The following AP3B2 variants were observed in gnomAD, a reference collection of about 807,000 sequenced individuals.
AP3B2 encodes the protein adaptor related protein complex 3 subunit beta 2, also known as AP-3 complex subunit beta-2.
A neutral mutation model predicts 126.9 loss-of-function variants in AP3B2; 50 were observed. The ratio of observed to expected loss-of-function variants is 0.39; its 90% CI spans 0.31 to 0.50. AP3B2 has a LOEUF of 0.50. Ranked by LOEUF, AP3B2 falls within the 20% of genes least tolerant of loss-of-function variation. The pLI, the probability that AP3B2 is intolerant of heterozygous loss-of-function variation, is 0.79. For synonymous variants in AP3B2, 541 were observed against 565.0 expected, an observed-to-expected ratio of 0.96 and a Z score of 0.60; for missense variants, 1,177 against 1,426.4, an observed-to-expected ratio of 0.83 and a Z score of 2.82.
chr15:82,682,515 A>G (rs1263363913), intron 4 of AP3B2, among the ~76,000 whole-genome samples: 2 of 152,116 alleles, frequency 1.3e-5, no homozygotes, highest in Non-Finnish European at 2.9e-5. Context: ...TTGATTCTAG[A>G]CCTCAACAAT....
At chr15:82,678,009 C>G (rs1941646150) in intron 11 of AP3B2, 96 bp downstream of exon 11, 2 of 1,453,496 alleles carry the variant, frequency 1.4e-6, no homozygotes, top group African/African-American at 2.8e-5. Context: ...AATAGTTTCT[C>G]CAGCCTTGGG....
At chr15:82,694,388 A>G (rs905801896) in intron 1 of AP3B2, among the ~76,000 whole-genome samples, 1 of 151,898 alleles carries the variant, frequency 6.6e-6, no homozygotes, top group African/African-American at 2.4e-5. Flanking sequence ...TAGAACCACC[A>G]TAACAAAGAA....
intron 4 of AP3B2, chr15:82,685,009 C>T (rs1323457268): frequency 6.6e-6 from 1 of 152,112 alleles, no homozygotes; most frequent in Non-Finnish European, 1.5e-5. Flanking sequence ...ATTAATTGAT[C>T]TAATTTCAAT....
intron 23 of AP3B2, 54 bp from the exon 24 acceptor site, chr15:82,662,306 G>T: frequency 7.3e-7 from 1 of 1,370,034 alleles, no homozygotes; most frequent in Non-Finnish European, 1.0e-6. Context: ...TCACCTGATA[G>T]GTCTAGAACC....
At position 82,677,779 on chromosome 15, in the gene AP3B2, C is replaced by T; in HGVS notation, c.1270G>A (p.Asp424Asn). The change falls in exon 12 of 27, where the codon GAC becomes AAC. Residue 424 changes from aspartate to asparagine, a missense_variant. Asp to Asn is a conservative substitution (Grantham distance 23). This residue lies in a region of AP3B2 where 308 missense variants were observed against 452.4 expected (regional missense o/e 0.68). Coordinates refer to ENST00000535359, the MANE Select transcript of AP3B2 (RefSeq NM_001278512.2). Reference protein sequence around the residue: ...FQTYIRSMDKDFVAATIQAIG... With the variant: ...FQTYIRSMDKNFVAATIQAIG... ...GCCTGGATTGTGGCTGCCACAAAGT[C>T]CTTGTCCATGCTGCGAATATAGGTC... is the stretch of plus-strand genomic sequence containing the variant. 1 of 1,611,350 alleles carries T rather than the reference C, an allele frequency of 6.2e-7. No homozygotes were observed. Among genetic ancestry groups the T allele is most frequent in the Non-Finnish European group, 8.5e-7 (1 of 1,178,316 alleles).
chr15:82,681,026 A>G lies in AP3B2; in HGVS notation c.589-7T>C. On this transcript the variant is annotated splice_region_variant and splice_polypyrimidine_tract_variant and intron_variant, in intron 6 of 26. Coordinates refer to ENST00000535359, the MANE Select transcript of AP3B2 (RefSeq NM_001278512.2). The surrounding 1 kb of genome is among the most constrained non-coding windows in gnomAD (Gnocchi z 4.0). ...CCACACTGCCCGCCACCAGCTGGGG[A>G]AAGAACAAAGACGAGAGGGTGAACG... 1 of 1,613,666 alleles carries G rather than the reference A, an allele frequency of 6.2e-7. No individual in the cohort carries two copies. The highest frequency in any genetic ancestry group is 8.5e-7 in the Non-Finnish European group (1 of 1,179,860).
chr15:82,695,930 G>GA (rs2048623074), intron 1 of AP3B2, among the ~76,000 whole-genome samples: 1 of 152,190 alleles, frequency 6.6e-6, no homozygotes, highest in African/African-American at 2.4e-5. Flanking sequence ...TGTTGGTGGG[G>GA]AGAAATCTCC....
chr15:82,676,227 G>A (rs2048240210), intron 14 of AP3B2, among the ~76,000 whole-genome samples: 1 of 152,198 alleles, frequency 6.6e-6, no homozygotes, highest in South Asian at 2.1e-4. Context: ...TGTACTAGCA[G>A]ACTGGAGGTC....
Position 82,666,769 on chromosome 15 carries a change from T to A in AP3B2, c.1830A>T (p.Pro610=), listed in dbSNP as rs2048066598. The A allele has an allele frequency of 6.2e-7, 1 of 1,613,838 alleles. No homozygotes were observed. Among genetic ancestry groups the A allele is most frequent in the African/African-American group, 1.3e-5 (1 of 74,942 alleles). The part of the protein sequence containing the change: ...KKLFLAPKPA[P]VLESSFKDRD... ...CACCTTTGAAGGATGACTCCAAGAC[T>A]GGAGCTGGTTTGGGTGCCAGGAAGA... The change falls in exon 15 of 27, where the codon CCA becomes CCT. Residue 610 remains proline, a synonymous_variant. Coordinates refer to ENST00000535359, the MANE Select transcript of AP3B2 (RefSeq NM_001278512.2).
At chr15:82,690,969 C>CTGGGATTACAGGCATGAGCCACT (rs2048521549) in intron 1 of AP3B2, among the ~76,000 whole-genome samples, 1 of 90,428 alleles carries the variant, frequency 1.1e-5, no homozygotes, top group Non-Finnish European at 2.7e-5. Flanking sequence ...CATGAGCCAC[C>CTGGGATTACAGGCATGAGCCACT]GCACCCAGCC....
At chr15:82,698,489 T>TAC (rs745881095) in intron 1 of AP3B2, among the ~76,000 whole-genome samples, 31 of 145,330 alleles carry the variant, frequency 2.1e-4, no homozygotes, top group Middle Eastern at 3.6e-3. Flanking sequence ...CACGTCCCCC[T>TAC]ACACACACAC....
intron 10 of AP3B2, among the ~76,000 whole-genome samples, chr15:82,679,409 A>C (rs1274300514): frequency 6.6e-6 from 1 of 152,230 alleles, no homozygotes; most frequent in East Asian, 1.9e-4. Context: ...GGCGTGAGCC[A>C]CTGTGCCTGG....
chr15:82,689,743 T>C, intron 1 of AP3B2: 1 of 410,652 alleles, frequency 2.4e-6, no homozygotes, highest in Non-Finnish European at 4.5e-6. Context: ...GCAGATGTAA[T>C]TAGTTAAATG....
In AP3B2 at chr15:82,659,965, T is replaced by C. The variant is rs779980907; in HGVS notation, c.3035A>G (p.Asn1012Ser). 17 of 1,613,782 alleles carry C rather than the reference T, an allele frequency of 1.1e-5. No homozygotes were observed. The highest frequency in any genetic ancestry group is 1.4e-5 in the Non-Finnish European group (17 of 1,179,858). ...KKEQGKLMGM[N>S]EITEKLMLPD... Reference sequence around the variant, plus strand: ...CAGCATGAGTTTCTCTGTGATCTCATTCATGCCCATCAGCTTTCCTGGGGG... The same window carrying C: ...CAGCATGAGTTTCTCTGTGATCTCACTCATGCCCATCAGCTTTCCTGGGGG... The change falls in exon 26 of 27, where the codon AAT becomes AGT. Residue 1012 changes from asparagine (N) to serine (S), a missense_variant. Physicochemically the swap from Asn to Ser is conservative, Grantham distance 46. This residue lies in a region of AP3B2 where 587 missense variants were observed against 571.3 expected (regional missense o/e 1.03). Transcript: ENST00000535359.
At chr15:82,688,223 C>T in intron 4 of AP3B2, 1 of 575,688 alleles carries the variant, frequency 1.7e-6, no homozygotes, top group Non-Finnish European at 3.1e-6. Context: ...CTCAAGATGT[C>T]TTAGACTAAC....
At chr15:82,706,913 G>T (rs1346874803) in intron 1 of AP3B2, among the ~76,000 whole-genome samples, 6 of 152,228 alleles carry the variant, frequency 3.9e-5, no homozygotes, top group East Asian at 1.9e-4. Context: ...ATCAAGCCTG[G>T]GGATTTGCCT....
At chr15:82,690,745 C>G (rs1338771392) in intron 1 of AP3B2, among the ~76,000 whole-genome samples, 4 of 148,472 alleles carry the variant, frequency 2.7e-5, no homozygotes, top group African/African-American at 1.0e-4. Flanking sequence ...GCTCCACCTC[C>G]TGGGTTCATG....
At chr15:82,703,275 C>T (rs1427937860) in intron 1 of AP3B2, among the ~76,000 whole-genome samples, 4 of 151,880 alleles carry the variant, frequency 2.6e-5, no homozygotes, top group Non-Finnish European at 5.9e-5. Flanking sequence ...CCCCTTCTCT[C>T]CATGTTTCTA....
Position 82,664,322 on chromosome 15 carries a change from A to C in AP3B2, c.2261+45T>G, listed in dbSNP as rs2048012684. ...CTCAATGCTAGCCCTCTTTCCAGGA[A>C]AGCCCCCTGAACCCCACCAGCCATC... On this transcript the variant is annotated intron_variant, in intron 19 of 26. Coordinates refer to ENST00000535359, the MANE Select transcript of AP3B2 (RefSeq NM_001278512.2). The surrounding 1 kb of genome is among the most constrained non-coding windows in gnomAD (Gnocchi z 4.5). 1 of 1,612,516 alleles carries C rather than the reference A, an allele frequency of 6.2e-7. No individual in the cohort carries two copies. Among genetic ancestry groups the C allele is most frequent in the East Asian group, 2.2e-5 (1 of 44,868 alleles).
Sources: allele counts gnomAD v4.1 joint callset (sites outside exome capture counted in the v4.1 genomes callset), GRCh38; gene constraint gnomAD v4.1.1; regional missense constraint gnomAD v4.1.1; non-coding constraint Gnocchi (gnomAD v3.1); transcripts MANE v1.5; gene names NCBI Gene and HGNC (gene_info 2026-07-23, HGNC 2026-07-21).